The following PKHD1 variants were observed in gnomAD, a reference collection of about 807,000 sequenced individuals.
PKHD1 encodes the protein PKHD1 ciliary IPT domain containing fibrocystin/polyductin.
In PKHD1, 291 loss-of-function variants were observed where a neutral mutation model predicts 412.0. The observed-to-expected ratio is 0.71, with a 90% CI of 0.64 to 0.78. PKHD1 has a LOEUF of 0.78. Ranked by LOEUF, PKHD1 falls within the 30% of genes least tolerant of loss-of-function variation. The pLI is 0.00. For synonymous variants in PKHD1, 1,777 were observed against 1,821.5 expected (o/e 0.98, Z 0.62); for missense variants, 4,825 against 4,950.7 (o/e 0.97, Z 0.76).
chr6:51,688,337 T>G (rs775291703), intron 60 of PKHD1, among the ~76,000 whole-genome samples: 5 of 152,096 alleles, frequency 3.3e-5, no homozygotes, highest in Admixed American at 6.6e-5. Context: ...AAACAAGTTG[T>G]CTTCCCTCTC....
rs146599739 is a variant in PKHD1, at chr6:51,871,433, A to G, written c.7351-794T>C. Among the ~76,000 whole-genome samples, 230 of 118,756 alleles carry G rather than the reference A, an allele frequency of 1.9e-3. 46 individuals carry two copies. The highest frequency in any genetic ancestry group is 6.0e-3 in the African/African-American group (219 of 36,600). 77.9% of individuals were successfully genotyped at this position (118,756 alleles called of 152,430 possible). On this transcript the variant is annotated intron_variant, in intron 46 of 66. Transcript: ENST00000371117. The stretch of plus-strand genomic sequence containing the variant: ...AAGGAAGCCAGTCCCAAAAGGTTAC[A>G]TACTATATGACTCCATTTATATGAC...
chr6:51,946,145 C>T (rs928797476), intron 36 of PKHD1, among the ~76,000 whole-genome samples: 4 of 152,062 alleles, frequency 2.6e-5, no homozygotes, highest in African/African-American at 9.7e-5. Flanking sequence ...AATTTTGAAA[C>T]ATCATTTACT....
chr6:51,888,539 CT>C (rs1778573264), intron 43 of PKHD1, among the ~76,000 whole-genome samples: 1 of 151,804 alleles, frequency 6.6e-6, no homozygotes, highest in Admixed American at 6.6e-5. Flanking sequence ...AAAATTCAGA[CT>C]TTCAGCTTTT....
chr6:51,911,767 T>C, intron 39 of PKHD1, 32 bp downstream of exon 39: 1 of 1,585,060 alleles, frequency 6.3e-7, no homozygotes, highest in Non-Finnish European at 8.7e-7. Flanking sequence ...TCTTTTTTGC[T>C]CATTAGACTT....
intron 62 of PKHD1, 96 bp downstream of exon 62, chr6:51,648,989 G>A (rs1223621052): frequency 2.4e-6 from 3 of 1,235,374 alleles, no homozygotes; most frequent in African/African-American, 2.9e-5. Flanking sequence ...TGGGCACTCT[G>A]TAAATGTGTA....
chr6:51,946,222 G>C (rs755922367), intron 36 of PKHD1, among the ~76,000 whole-genome samples: 1 of 152,110 alleles, frequency 6.6e-6, no homozygotes, highest in Admixed American at 6.5e-5. Flanking sequence ...AATTATCTGC[G>C]TTGTCAGGAG....
Position 51,744,951 on chromosome 6 carries a change from A to G in PKHD1, c.9999-409T>C, listed in dbSNP as rs535301838. On this transcript the variant is annotated intron_variant, in intron 59 of 66. Transcript: ENST00000371117. ...AAAGAAAAATAGATATTCTCATTCA[A>G]CAAATATCTATTGAAAACCTACAAA... Among the ~76,000 whole-genome samples, 166 of 152,284 alleles carry G rather than the reference A, an allele frequency of 1.1e-3. 1 individual carries two copies. Among genetic ancestry groups the G allele is most frequent in the African/African-American group, 3.8e-3 (160 of 41,578 alleles).
chr6:51,852,965 G>A (rs1184172340), intron 49 of PKHD1, among the ~76,000 whole-genome samples: 1 of 152,066 alleles, frequency 6.6e-6, no homozygotes, highest in African/African-American at 2.4e-5. Flanking sequence ...ATATAATTTA[G>A]TTATTTTGCA....
chr6:51,925,732 C>T (rs753909979), intron 37 of PKHD1, among the ~76,000 whole-genome samples: 47 of 152,194 alleles, frequency 3.1e-4, no homozygotes, highest in African/African-American at 8.9e-4. Flanking sequence ...CTGGTTCTTA[C>T]GCCTTTGGAC....
At chr6:51,903,857 A>ATATATATATATATATATT (rs1781669480) in intron 42 of PKHD1, 129 bp downstream of exon 42, 1 of 418,026 alleles carries the variant, frequency 2.4e-6, no homozygotes, top group African/African-American at 2.3e-5. Flanking sequence ...ATATATATAT[A>ATATATATATATATATATT]TATTTAGAAA....
intron 36 of PKHD1, among the ~76,000 whole-genome samples, chr6:51,956,913 A>G (rs916043092): frequency 3.9e-5 from 6 of 152,016 alleles, no homozygotes; most frequent in Admixed American, 2.6e-4. Flanking sequence ...AATAGTAAGG[A>G]CCAGTGATTT....
Position 51,642,480 on chromosome 6 carries a change from A to G in PKHD1, c.11399-3524T>C, listed in dbSNP as rs75201196. ...TATGTGTAAGTTGTGGAATATGGCT[A>G]AGGCATAGAATATGAGTAAGGTATT... On this transcript the variant is annotated intron_variant, in intron 63 of 66. Transcript: ENST00000371117. 5.4e-3 allele frequency among the ~76,000 whole-genome samples: 825 copies of G among 152,270 alleles called. 7 individuals carry two copies. The highest frequency in any genetic ancestry group is 0.019 in the African/African-American group (779 of 41,546).
chr6:51,925,569 C>G (rs564920332), intron 37 of PKHD1, among the ~76,000 whole-genome samples: 1 of 152,138 alleles, frequency 6.6e-6, no homozygotes, highest in Admixed American at 6.6e-5. Flanking sequence ...ATCCAATCAG[C>G]TGAAGGCCTG....
intron 60 of PKHD1, among the ~76,000 whole-genome samples, chr6:51,676,623 C>A (rs1307822622): frequency 6.6e-6 from 1 of 152,090 alleles, no homozygotes; most frequent in Middle Eastern, 3.2e-3. Context: ...TCTAATTTAA[C>A]AAATATAAAT....
intron 35 of PKHD1, among the ~76,000 whole-genome samples, chr6:51,971,998 C>A (rs1793744462): frequency 1.3e-5 from 2 of 152,092 alleles, no homozygotes; most frequent in African/African-American, 4.8e-5. Flanking sequence ...TCCCAAAGTG[C>A]TGGGATTACA....
At chr6:51,755,322 A>G (rs781382791) in intron 55 of PKHD1, among the ~76,000 whole-genome samples, 12 of 152,162 alleles carry the variant, frequency 7.9e-5, no homozygotes, top group Non-Finnish European at 1.6e-4. Context: ...TTTTCTAGAG[A>G]AATATAATGC....
intron 2 of PKHD1, among the ~76,000 whole-genome samples, chr6:52,084,318 C>T (rs900790438): frequency 6.6e-6 from 1 of 152,154 alleles, no homozygotes; most frequent in African/African-American, 2.4e-5. Flanking sequence ...GCAGCCCCAG[C>T]CAGACTAGAC....
intron 53 of PKHD1, among the ~76,000 whole-genome samples, chr6:51,778,336 A>C (rs1237826712): frequency 3.3e-5 from 5 of 152,154 alleles, no homozygotes; most frequent in African/African-American, 9.6e-5. Flanking sequence ...TGTGCTGCAA[A>C]GACATTCCGG....
At chr6:51,941,405 G>A (rs532035644) in intron 36 of PKHD1, among the ~76,000 whole-genome samples, 2,338 of 149,192 alleles carry the variant, frequency 0.016, 77 homozygotes, top group African/African-American at 0.053. Flanking sequence ...ACAGGCGCCC[G>A]CCACCGCGCC....
Sources: gnomAD v4.1 joint callset for allele counts (sites outside exome capture counted in the v4.1 genomes callset) on GRCh38, gnomAD v4.1.1 for gene constraint, MANE v1.5 for transcripts, NCBI Gene and HGNC (gene_info 2026-07-23, HGNC 2026-07-21) for gene names.